PYHIN1: variants seen among roughly 807,000 people sequenced by gnomAD.
PYHIN1 encodes the protein pyrin and HIN domain-containing protein 1.
Under a neutral mutation model 43.7 loss-of-function variants are expected in PYHIN1, and 32 were observed. The observed-to-expected ratio is 0.73, with a 90% CI of 0.55 to 0.98. PYHIN1 has a LOEUF of 0.98. Ranked by LOEUF, PYHIN1 falls within the 50% of genes least tolerant of loss-of-function variation. PYHIN1 has a pLI of 0.00. For missense variants in PYHIN1, 588 were observed against 589.5 expected (o/e 1.00, Z 0.03); for synonymous variants, 205 against 203.1 (o/e 1.01, Z -0.08).
intron 7 of PYHIN1, among the ~76,000 whole-genome samples, chr1:158,959,133 C>G (rs905619760): frequency 3.3e-5 from 5 of 151,856 alleles, no homozygotes; most frequent in Admixed American, 3.3e-4. Flanking sequence ...TGCAGCGTTC[C>G]TCACACAGGG....
At chr1:158,981,955 T>G (rs1040879255), downstream of PYHIN1, among the ~76,000 whole-genome samples, 11 of 152,220 alleles carry the variant, frequency 7.2e-5, no homozygotes, top group African/African-American at 2.7e-4. Context: ...GAGAAAGATC[T>G]ATTCATGGCT....
the PYHIN1 span, among the ~76,000 whole-genome samples, chr1:158,985,052 C>T: frequency 2.6e-5 from 4 of 152,026 alleles, no homozygotes; most frequent in African/African-American, 4.8e-5. Context: ...TGTGTCTTTA[C>T]ATGTAAGGTG....
intron 8 of PYHIN1, among the ~76,000 whole-genome samples, chr1:158,974,700 T>C (rs1651146644): frequency 6.6e-6 from 1 of 152,044 alleles, no homozygotes; most frequent in African/African-American, 2.4e-5. Context: ...GGTCGTTTTT[T>C]GGTTTGTTTA....
chr1:158,933,796 T>C lies in PYHIN1; in HGVS notation c.-21+2020T>C, dbSNP rs1648319674. Among the ~76,000 whole-genome samples the C allele has an allele frequency of 6.6e-6, 1 of 152,158 alleles. No homozygotes were observed. Among genetic ancestry groups the C allele is most frequent in the Admixed American group, 6.5e-5 (1 of 15,280 alleles). ...CCCTCCACCATGTTGGTATACTTTC[T>C]GTTTCTCTTTTCTTTGATCAGGGCT... On this transcript the variant is annotated intron_variant, in intron 1 of 8. Transcript: ENST00000368140. The surrounding 1 kb of genome is among the most constrained non-coding windows in gnomAD (Gnocchi z 6.3).
intron 7 of PYHIN1, among the ~76,000 whole-genome samples, chr1:158,952,671 A>C (rs1180395604): frequency 2.0e-5 from 3 of 152,186 alleles, no homozygotes; most frequent in Non-Finnish European, 4.4e-5. Context: ...CTCTAACTAA[A>C]GCCCATAGCG....
downstream of PYHIN1, among the ~76,000 whole-genome samples, chr1:158,981,051 C>T (rs1174515301): frequency 6.6e-6 from 1 of 152,118 alleles, no homozygotes. Context: ...AAAGAACCTA[C>T]ATTGAAATAT....
Position 158,964,853 on chromosome 1 carries a change from C to T in PYHIN1, c.1360-8794C>T, listed in dbSNP as rs559368087. The stretch of plus-strand genomic sequence containing the variant: ...ACAAGTCTGCATAATAATCAGCTAA[C>T]AACACAATGACAGGATCAAATCTGC... On this transcript the variant is annotated intron_variant, in intron 7 of 8. Coordinates refer to ENST00000368140, the MANE Select transcript of PYHIN1 (RefSeq NM_152501.5). Among the ~76,000 whole-genome samples, 6 of 152,188 alleles carry T rather than the reference C, an allele frequency of 3.9e-5. No homozygotes were observed. The East Asian group carries it at 1.2e-3, about 29-fold the overall frequency.
chr1:158,946,862 G>GA (rs968709776), intron 7 of PYHIN1, among the ~76,000 whole-genome samples: 6 of 151,974 alleles, frequency 3.9e-5, no homozygotes, highest in African/African-American at 1.2e-4. Context: ...TTATTGACCA[G>GA]AAAAAAATAA....
intron 7 of PYHIN1, among the ~76,000 whole-genome samples, chr1:158,948,641 T>C (rs955758118): frequency 6.6e-6 from 1 of 152,236 alleles, no homozygotes; most frequent in Non-Finnish European, 1.5e-5. Context: ...CAGCTGTTTG[T>C]ACTGATTCAG....
chr1:158,973,790 C>T lies in PYHIN1; in HGVS notation c.*5+19C>T. ...AAATAAGGTACCACCTTTCTATTTG[C>T]ATTGCTGTACCTCTAAAATATAATT... On this transcript the variant is annotated intron_variant, in intron 8 of 8. Transcript: ENST00000368140. 6.2e-7 allele frequency: 1 copy of T among 1,612,012 alleles called. No homozygotes were observed. Among genetic ancestry groups the T allele is most frequent in the Non-Finnish European group, 8.5e-7 (1 of 1,178,654 alleles).
chr1:158,960,650 C>G (rs889122400), intron 7 of PYHIN1, among the ~76,000 whole-genome samples: 1 of 152,130 alleles, frequency 6.6e-6, no homozygotes, highest in Non-Finnish European at 1.5e-5. Context: ...GATATAGGTT[C>G]TATATGGATT....
At chr1:158,932,889 T>C (rs1235385163) in intron 1 of PYHIN1, among the ~76,000 whole-genome samples, 1 of 152,176 alleles carries the variant, frequency 6.6e-6, no homozygotes, top group East Asian at 1.9e-4. Flanking sequence ...ATTTATATTG[T>C]CAAAGTTCAG....
chr1:158,939,820 C>A, intron 4 of PYHIN1: 1 of 389,434 alleles, frequency 2.6e-6, no homozygotes, highest in Non-Finnish European at 4.6e-6. Context: ...TCTTTCCCAC[C>A]TACTCAAAGT....
chr1:158,976,151 T>G (rs1410127810), intron 8 of PYHIN1, among the ~76,000 whole-genome samples: 2 of 152,060 alleles, frequency 1.3e-5, no homozygotes, highest in East Asian at 3.8e-4. Flanking sequence ...ATGACAAAGT[T>G]TATGCTGTTT....
intron 7 of PYHIN1, among the ~76,000 whole-genome samples, chr1:158,952,544 T>C (rs1219328026): frequency 6.6e-6 from 1 of 152,144 alleles, no homozygotes; most frequent in African/African-American, 2.4e-5. Flanking sequence ...CCTCCATTCA[T>C]CTTTGTTATT....
At chr1:158,942,683 G>A (rs1298573583) in intron 5 of PYHIN1, among the ~76,000 whole-genome samples, 3 of 152,106 alleles carry the variant, frequency 2.0e-5, no homozygotes, top group Middle Eastern at 3.2e-3. Context: ...GAGTCATAAC[G>A]ATCAAAGATA....
rs183882614 is a variant in PYHIN1, at chr1:158,971,952, C to T, written c.1360-1695C>T. On this transcript the variant is annotated intron_variant, in intron 7 of 8. Transcript: ENST00000368140. Reference sequence around the variant, plus strand: ...GCCAGAGAAAATGCAAGAAGGAAGACAATGTAAAAAGAATAAAAGAAAAAA... The same window carrying T: ...GCCAGAGAAAATGCAAGAAGGAAGATAATGTAAAAAGAATAAAAGAAAAAA... Among the ~76,000 whole-genome samples, 3 of 151,056 alleles carry T rather than the reference C, an allele frequency of 2.0e-5. No homozygotes were observed. The East Asian group carries it at 5.8e-4, about 29-fold the overall frequency.
chr1:158,933,975 G>A lies in PYHIN1; in HGVS notation c.-21+2199G>A, dbSNP rs1287359746. Among the ~76,000 whole-genome samples, 1 of 151,904 alleles carries A rather than the reference G, an allele frequency of 6.6e-6. No homozygotes were observed. The highest frequency in any genetic ancestry group is 1.5e-5 in the Non-Finnish European group (1 of 67,980). On this transcript the variant is annotated intron_variant, in intron 1 of 8. Transcript: ENST00000368140. This position sits in a 1 kb window ranked among gnomAD's most constrained non-coding sequence, Gnocchi z 6.3. ...CATCTTTGTCTGGAAAAACTACTGAGGCCTTCAGGTTCAGAGAATAGTTTT... is the reference window on the plus strand; with the variant it reads ...CATCTTTGTCTGGAAAAACTACTGAAGCCTTCAGGTTCAGAGAATAGTTTT...
intron 7 of PYHIN1, among the ~76,000 whole-genome samples, chr1:158,966,471 C>CA (rs990299429): frequency 6.6e-6 from 1 of 151,946 alleles, no homozygotes; most frequent in Non-Finnish European, 1.5e-5. Context: ...CAAAAATCCT[C>CA]AAAAAAATAC....
Sources: gnomAD v4.1 joint callset for allele counts (sites outside exome capture counted in the v4.1 genomes callset) on GRCh38, gnomAD v4.1.1 for gene constraint, Gnocchi (gnomAD v3.1) non-coding constraint, MANE v1.5 for transcripts, NCBI Gene and HGNC (gene_info 2026-07-23, HGNC 2026-07-21) for gene names.